The following GTF2F2 variants were observed in gnomAD, a reference collection of about 807,000 sequenced individuals.
GTF2F2 encodes general transcription factor IIF subunit 2, also known as ATP-dependent helicase GTF2F2.
In GTF2F2, 23 loss-of-function variants were observed where a neutral mutation model predicts 42.2. That is an observed-to-expected ratio of 0.55 (90% CI 0.39 to 0.77). The LOEUF is 0.77. Ranked by LOEUF, GTF2F2 falls within the 30% of genes least tolerant of loss-of-function variation. GTF2F2 has a pLI of 0.00. For missense variants in GTF2F2, 261 were observed against 287.2 expected, an observed-to-expected ratio of 0.91 and a Z score of 0.66; for synonymous variants, 105 against 100.8, an observed-to-expected ratio of 1.04 and a Z score of -0.25.
chr13:45,274,902 AC>A (rs1175960766), intron 7 of GTF2F2, among the ~76,000 whole-genome samples: 1 of 151,298 alleles, frequency 6.6e-6, no homozygotes, highest in Non-Finnish European at 1.5e-5. Context: ...ACAGAGGGAG[AC>A]CCTGTCTCAA....
At chr13:45,209,971 T>C (rs1873566223) in intron 5 of GTF2F2, among the ~76,000 whole-genome samples, 1 of 152,196 alleles carries the variant, frequency 6.6e-6, no homozygotes, top group Non-Finnish European at 1.5e-5. Context: ...ATCCATAGTC[T>C]GATCACCCCC....
intron 7 of GTF2F2, among the ~76,000 whole-genome samples, chr13:45,281,482 C>T (rs1290069586): frequency 6.6e-6 from 1 of 152,238 alleles, no homozygotes. Context: ...AACGAAGCAA[C>T]ACACTAAGGA....
chr13:45,247,090 C>A (rs916029823), intron 5 of GTF2F2, among the ~76,000 whole-genome samples: 1 of 151,148 alleles, frequency 6.6e-6, no homozygotes, highest in African/African-American at 2.4e-5. Flanking sequence ...CGGCTCACGC[C>A]TGTAATCCCA....
chr13:45,194,716 G>A, intron 4 of GTF2F2: 1 of 682,832 alleles, frequency 1.5e-6, no homozygotes, highest in South Asian at 1.9e-5. Context: ...GCTCGGTTTT[G>A]CAGTAGGTGG....
In GTF2F2 at chr13:45,252,959, C is replaced by A; in HGVS notation, c.475C>A (p.His159Asn). The change falls in exon 6 of 8, where the codon CAT becomes AAT. Residue 159 changes from histidine to asparagine, a missense_variant. Coordinates refer to ENST00000340473, the MANE Select transcript of GTF2F2 (RefSeq NM_004128.3). ...AACCAATTACAAACCTGTTGCTAAT[C>A]ATCAATACAATGTAAGTCTTCTGCT... ...VTTNYKPVAN[H>N]QYNIEYERKK... 1 of 1,352,644 alleles carries A rather than the reference C, an allele frequency of 7.4e-7. No individual in the cohort carries two copies. The highest frequency in any genetic ancestry group is 1.0e-6 in the Non-Finnish European group (1 of 995,850). 83.8% of individuals were successfully genotyped at this position (1,352,644 alleles called of 1,614,324 possible).
intron 4 of GTF2F2, among the ~76,000 whole-genome samples, chr13:45,175,573 C>G (rs1164082026): frequency 6.6e-6 from 1 of 152,110 alleles, no homozygotes; most frequent in Non-Finnish European, 1.5e-5. Context: ...TATCTGTATC[C>G]AAATATGTGT....
At chr13:45,176,750 T>G (rs557168334) in intron 4 of GTF2F2, among the ~76,000 whole-genome samples, 4 of 152,264 alleles carry the variant, frequency 2.6e-5, no homozygotes, top group Admixed American at 1.3e-4. Flanking sequence ...TCTTCACATT[T>G]GCATCTGTGG....
At chr13:45,200,388 C>CA (rs1873117792) in intron 4 of GTF2F2, among the ~76,000 whole-genome samples, 1 of 151,366 alleles carries the variant, frequency 6.6e-6, no homozygotes, top group Admixed American at 6.6e-5. Context: ...ATTGCAACCT[C>CA]AACCTCCTGG....
At chr13:45,250,298 G>T (rs1875825404) in intron 5 of GTF2F2, among the ~76,000 whole-genome samples, 2 of 151,932 alleles carry the variant, frequency 1.3e-5, no homozygotes, top group South Asian at 4.1e-4. Context: ...CAAGTAATCT[G>T]CCTGCCTCCA....
chr13:45,262,665 C>T (rs535801874), intron 6 of GTF2F2, among the ~76,000 whole-genome samples: 1 of 152,294 alleles, frequency 6.6e-6, no homozygotes, highest in Admixed American at 6.5e-5. Context: ...GCGATCCGCC[C>T]ACCCCAGCCT....
intron 4 of GTF2F2, among the ~76,000 whole-genome samples, chr13:45,182,860 T>C (rs1382487148): frequency 6.6e-6 from 1 of 152,110 alleles, no homozygotes; most frequent in African/African-American, 2.4e-5. Context: ...TTTCTTTCTG[T>C]GGTTGAGGCC....
In GTF2F2 at chr13:45,120,614, G is replaced by C; in HGVS notation, c.-42G>C. On this transcript the variant is annotated 5_prime_UTR_variant, in exon 1 of 8. Transcript: ENST00000340473. ...CGCTCCTCAGCCCTGCGGCTCCTGG[G>C]GTCGCTGCTGCATCCCGCACGCCTC... 2 of 1,487,942 alleles carry C rather than the reference G, an allele frequency of 1.3e-6. No individual in the cohort carries two copies. The allele number at this position is 1,487,942 out of a possible 1,614,324, so 92.2% of individuals were successfully genotyped here. A position where few individuals can be genotyped will look rare whatever the true frequency, so the allele number is the denominator to read the frequency against.
At chr13:45,240,101 A>AT (rs34744288) in intron 5 of GTF2F2, among the ~76,000 whole-genome samples, 5,205 of 90,996 alleles carry the variant, frequency 0.057, 467 homozygotes, top group African/African-American at 0.089. Context: ...ATGTAGAGGG[A>AT]TTTTTTTTTT....
At chr13:45,147,441 G>C (rs909837867) in intron 2 of GTF2F2, among the ~76,000 whole-genome samples, 5 of 152,186 alleles carry the variant, frequency 3.3e-5, no homozygotes, top group South Asian at 2.1e-4. Flanking sequence ...AGCTCTAGAA[G>C]CTAAATTCAG....
intron 5 of GTF2F2, among the ~76,000 whole-genome samples, chr13:45,218,859 TC>T (rs1873993757): frequency 6.6e-6 from 1 of 152,218 alleles, no homozygotes; most frequent in African/African-American, 2.4e-5. Context: ...TAGTAGTTTG[TC>T]ACTGACAGTA....
chr13:45,169,999 A>G lies in GTF2F2; in HGVS notation c.304+18168A>G, dbSNP rs1269324202. Among the ~76,000 whole-genome samples, 6 of 152,104 alleles carry G rather than the reference A, an allele frequency of 3.9e-5. 1 individual carries two copies. The South Asian group carries it at 1.2e-3, about 31-fold the overall frequency. On this transcript the variant is annotated intron_variant, in intron 4 of 7. Coordinates refer to ENST00000340473, the MANE Select transcript of GTF2F2 (RefSeq NM_004128.3). ...ATAGTTCCAACATTTATTTTATTTT[A>G]TTTGATTTTTAATAAGAGACTGGTT...
At chr13:45,144,843 G>A (rs971332445) in intron 2 of GTF2F2, among the ~76,000 whole-genome samples, 1 of 152,184 alleles carries the variant, frequency 6.6e-6, no homozygotes, top group African/African-American at 2.4e-5. Context: ...TTAGAACAGT[G>A]TTATACTGAT....
chr13:45,127,937 CCTTTTTTTT>C (rs1869115695), intron 1 of GTF2F2, among the ~76,000 whole-genome samples: 1 of 90,112 alleles, frequency 1.1e-5, no homozygotes, highest in Non-Finnish European at 2.2e-5. Context: ...GGCACCCCGG[CCTTTTTTTT>C]TTTTTTTTTT....
chr13:45,125,017 A>G (rs1230316755), intron 1 of GTF2F2, among the ~76,000 whole-genome samples: 2 of 152,210 alleles, frequency 1.3e-5, no homozygotes, highest in Non-Finnish European at 2.9e-5. Context: ...GCGCTTGGAC[A>G]TTGGTGGCCA....
Sources: gnomAD v4.1 joint callset for allele counts (sites outside exome capture counted in the v4.1 genomes callset) on GRCh38, gnomAD v4.1.1 for gene constraint, MANE v1.5 for transcripts, NCBI Gene and HGNC (gene_info 2026-07-23, HGNC 2026-07-21) for gene names.